LRRC7: variants seen among roughly 807,000 people sequenced by gnomAD.
The protein encoded by LRRC7 is leucine-rich repeat-containing protein 7.
A neutral mutation model predicts 175.7 loss-of-function variants in LRRC7; 23 were observed. The observed-to-expected ratio is 0.13, with a 90% CI of 0.09 to 0.19. LRRC7 has a LOEUF of 0.19. Among genes scored for constraint, LRRC7 ranks in the 10% least tolerant of loss-of-function variants. The probability of loss-of-function intolerance (pLI) is 1.00; values close to 1 mark genes in which losing one functional copy is unlikely to be tolerated. For synonymous variants in LRRC7, 685 were observed against 680.9 expected, an observed-to-expected ratio of 1.01 and a Z score of -0.09; for missense variants, 1,354 against 1,904.7, an observed-to-expected ratio of 0.71 and a Z score of 5.38.
chr1:69,746,762 G>A (rs1156985698), intron 2 of LRRC7, among the ~76,000 whole-genome samples: 1 of 152,048 alleles, frequency 6.6e-6, no homozygotes, highest in Non-Finnish European at 1.5e-5. Context: ...TGGGCCCTAG[G>A]TTCTATAGAT....
intron 1 of LRRC7, among the ~76,000 whole-genome samples, chr1:69,665,983 T>C (rs560312682): frequency 6.6e-6 from 1 of 152,266 alleles, no homozygotes; most frequent in Admixed American, 6.5e-5. Context: ...TTTTGTTATG[T>C]TGAGGTATGT....
chr1:69,896,464 AGATG>A (rs1645982239), intron 7 of LRRC7, among the ~76,000 whole-genome samples: 1 of 152,164 alleles, frequency 6.6e-6, no homozygotes, highest in South Asian at 2.1e-4. Flanking sequence ...TCGATTACAC[AGATG>A]GTCAGTATAT....
chr1:69,568,742 G>A, intron 1 of LRRC7, 101 bp downstream of exon 1: 2 of 831,208 alleles, frequency 2.4e-6, no homozygotes, highest in Non-Finnish European at 1.6e-6. Context: ...CCGGCCGGGG[G>A]CGGGGGTGGC....
rs1250730091 is a variant in LRRC7, at chr1:70,125,971, T to C, written c.*4084T>C. On this transcript the variant is annotated 3_prime_UTR_variant, in exon 27 of 27. Transcript: ENST00000651989. ...ATCTATTTAATATATATTTAATATCTATTAATATTTAAGCTTTCCAGTGTA... is the reference window on the plus strand; with the variant it reads ...ATCTATTTAATATATATTTAATATCCATTAATATTTAAGCTTTCCAGTGTA... Among the ~76,000 whole-genome samples the C allele has an allele frequency of 6.6e-6, 1 of 151,848 alleles. No homozygotes were observed. The highest frequency in any genetic ancestry group is 2.4e-5 in the African/African-American group (1 of 41,398).
chr1:69,748,740 G>A (rs1669515983), intron 2 of LRRC7, among the ~76,000 whole-genome samples: 3 of 151,990 alleles, frequency 2.0e-5, no homozygotes, highest in Non-Finnish European at 4.4e-5. Flanking sequence ...ATATATTCAA[G>A]GATCAGGTAA....
At chr1:69,951,420 C>T (rs922136464) in intron 8 of LRRC7, among the ~76,000 whole-genome samples, 4 of 151,974 alleles carry the variant, frequency 2.6e-5, no homozygotes, top group African/African-American at 9.7e-5. Context: ...CCATTCAATC[C>T]AGCAATCCCA....
intron 1 of LRRC7, among the ~76,000 whole-genome samples, chr1:69,654,115 A>T (rs186684325): frequency 0.091 from 13,424 of 147,088 alleles, 617 homozygotes; most frequent in African/African-American, 0.13. Flanking sequence ...CATGTTATTT[A>T]TTTTTTTTTT....
chr1:69,700,718 T>C (rs1225765889), intron 2 of LRRC7, among the ~76,000 whole-genome samples: 1 of 152,152 alleles, frequency 6.6e-6, no homozygotes, highest in Non-Finnish European at 1.5e-5. Context: ...TCCAGAAAAT[T>C]ACAGGGAACT....
intron 25 of LRRC7, among the ~76,000 whole-genome samples, chr1:70,107,385 TTAATGGAGA>T (rs1665216279): frequency 6.6e-6 from 1 of 152,166 alleles, no homozygotes; most frequent in Non-Finnish European, 1.5e-5. Flanking sequence ...TCAACTGCCT[TTAATGGAGA>T]CATAGTTAAG....
chr1:69,866,239 A>C (rs1184403105), intron 7 of LRRC7, among the ~76,000 whole-genome samples: 1 of 152,214 alleles, frequency 6.6e-6, no homozygotes, highest in Non-Finnish European at 1.5e-5. Context: ...AAAGTGAGAG[A>C]AAGAGGAATC....
At chr1:69,838,086 C>T in intron 6 of LRRC7, 141 bp from the exon 7 acceptor site, 3 of 542,160 alleles carry the variant, frequency 5.5e-6, no homozygotes, top group Non-Finnish European at 6.6e-6. Flanking sequence ...AGAAATATTC[C>T]AATTCTACTT....
chr1:69,909,153 C>T (rs12734138), intron 7 of LRRC7, among the ~76,000 whole-genome samples: 6 of 151,994 alleles, frequency 3.9e-5, no homozygotes, highest in Admixed American at 1.3e-4. Flanking sequence ...TATTTTGAGC[C>T]TATGTGTGTC....
chr1:69,849,996 A>G (rs1029863732), intron 7 of LRRC7, among the ~76,000 whole-genome samples: 2 of 152,082 alleles, frequency 1.3e-5, no homozygotes, highest in Non-Finnish European at 2.9e-5. Flanking sequence ...ACTGCTATGA[A>G]GAACACAGGA....
At chr1:69,717,055 CTACATATA>C (rs1665442351) in intron 2 of LRRC7, among the ~76,000 whole-genome samples, 3 of 148,182 alleles carry the variant, frequency 2.0e-5, no homozygotes, top group East Asian at 3.9e-4. Flanking sequence ...ACATATATAT[CTACATATA>C]TACATATATA....
At chr1:70,048,801 G>A (rs1485444269) in intron 22 of LRRC7, among the ~76,000 whole-genome samples, 1 of 152,060 alleles carries the variant, frequency 6.6e-6, no homozygotes, top group African/African-American at 2.4e-5. Flanking sequence ...TGAGCACTCA[G>A]TATCACCAAG....
Position 70,038,359 on chromosome 1 carries a change from C to T in LRRC7, c.2535C>T (p.Arg845=), listed in dbSNP as rs779457578. The T allele has an allele frequency of 6.2e-6, 10 of 1,614,010 alleles. No individual in the cohort carries two copies. Among genetic ancestry groups the T allele is most frequent in the Non-Finnish European group, 8.5e-6 (10 of 1,180,020 alleles). ...SKSRSTSSHG[R]RPLIRQDRIV... Reference sequence around the variant, plus strand: ...CTAGAAGCACATCTTCGCATGGACGCAGGCCTTTGATCAGGCAAGACAGGA... The same window carrying T: ...CTAGAAGCACATCTTCGCATGGACGTAGGCCTTTGATCAGGCAAGACAGGA... The change falls in exon 21 of 27, where the codon CGC becomes CGT. Residue 845 remains arginine (R), a synonymous_variant. Transcript: ENST00000651989.
chr1:69,774,305 T>G (rs1366924787), intron 3 of LRRC7, among the ~76,000 whole-genome samples: 2 of 152,186 alleles, frequency 1.3e-5, no homozygotes, highest in Admixed American at 1.3e-4. Context: ...TTTAGAAATA[T>G]AATTGCTTGA....
Position 70,021,008 on chromosome 1 carries a change from T to C in LRRC7, c.1424T>C (p.Phe475Ser), listed in dbSNP as rs753984471. 6.2e-7 allele frequency: 1 copy of C among 1,603,568 alleles called. No homozygotes were observed. Among genetic ancestry groups the C allele is most frequent in the South Asian group, 1.1e-5 (1 of 88,602 alleles). ...FPQQPRGDED[F>S]QSDSDSFNPT... ...ATACTTTGGAATCTAACTGTAGATT[T>C]CCAGTCAGACAGTGACAGCTTTAAC... is the stretch of plus-strand genomic sequence containing the variant. Residue 475 changes from phenylalanine (F) to serine (S), a missense_variant, in exon 16 of 27, where the codon TTC (phenylalanine) becomes TCC (serine). Physicochemically the swap from Phe to Ser is radical, Grantham distance 155 (BLOSUM62 -2). Transcript: ENST00000651989.
chr1:69,866,990 T>C (rs1490526193), intron 7 of LRRC7, among the ~76,000 whole-genome samples: 1 of 152,170 alleles, frequency 6.6e-6, no homozygotes, highest in Non-Finnish European at 1.5e-5. Flanking sequence ...TTCAGACTCT[T>C]TGAGACACTG....
Sources: gnomAD v4.1 joint callset for allele counts (sites outside exome capture counted in the v4.1 genomes callset) on GRCh38, gnomAD v4.1.1 for gene constraint, MANE v1.5 for transcripts, NCBI Gene and HGNC (gene_info 2026-07-23, HGNC 2026-07-21) for gene names.